Variants in DDX60 observed in about 807,000 individuals in gnomAD.
The protein encoded by DDX60 is DExD/H-box helicase 60.
A neutral mutation model predicts 212.8 loss-of-function variants in DDX60; 165 were observed. The ratio of observed to expected loss-of-function variants is 0.78; its 90% CI spans 0.68 to 0.88. The LOEUF is 0.88. Ranked by LOEUF, DDX60 falls within the 40% of genes least tolerant of loss-of-function variation. DDX60 has a pLI of 0.00. For missense variants in DDX60, 1,905 were observed against 2,003.9 expected (o/e 0.95, Z 0.94); for synonymous variants, 703 against 685.3 (o/e 1.03, Z -0.40).
chr4:168,232,042 A>C (rs923208356), intron 33 of DDX60, among the ~76,000 whole-genome samples: 1 of 152,088 alleles, frequency 6.6e-6, no homozygotes, highest in Non-Finnish European at 1.5e-5. Context: ...TAATGTACAC[A>C]AATCAGTAGC....
intron 14 of DDX60, among the ~76,000 whole-genome samples, chr4:168,277,826 A>C (rs926831705): frequency 6.8e-6 from 1 of 148,078 alleles, no homozygotes; most frequent in African/African-American, 2.7e-5. Context: ...AAAAAAGAAA[A>C]AAAAAAAAAA....
In DDX60 at chr4:168,227,669, C is replaced by T. The variant is rs146621483; in HGVS notation, c.4534-1993G>A. On this transcript the variant is annotated intron_variant, in intron 33 of 37. Transcript: ENST00000393743. ...AAAGTTTAATTCATTGACTTTTCAG[C>T]CTGTATTTTTTTCTAATTTATGGTT... Among the ~76,000 whole-genome samples, 20 of 150,090 alleles carry T rather than the reference C, an allele frequency of 1.3e-4. No homozygotes were observed. In the East Asian group the frequency reaches 3.9e-3, roughly 29 times the overall value.
the DDX60 span, among the ~76,000 whole-genome samples, chr4:168,324,628 T>G: frequency 6.6e-6 from 1 of 152,234 alleles, no homozygotes; most frequent in Non-Finnish European, 1.5e-5. Context: ...GACAGTTATG[T>G]TCCTCTGCTC....
chr4:168,303,302 C>T (rs74627378), intron 5 of DDX60, among the ~76,000 whole-genome samples: 2 of 99,740 alleles, frequency 2.0e-5, no homozygotes, highest in African/African-American at 6.5e-5. Flanking sequence ...ACTCTGTCTC[C>T]AAAAAAAAAA....
At chr4:168,299,921 G>A (rs1260160541) in intron 6 of DDX60, among the ~76,000 whole-genome samples, 2 of 152,088 alleles carry the variant, frequency 1.3e-5, no homozygotes, top group African/African-American at 4.8e-5. Flanking sequence ...TTGAAAAAGA[G>A]GAGAAGACAT....
chr4:168,253,424 G>T (rs72975335), intron 26 of DDX60, among the ~76,000 whole-genome samples: 10,073 of 152,048 alleles, frequency 0.066, 1,041 homozygotes, highest in African/African-American at 0.23. Context: ...TTTGAGTTGG[G>T]TTGCTAAGGC....
At chr4:168,255,587 T>C in intron 26 of DDX60, 124 bp downstream of exon 26, 1 of 784,548 alleles carries the variant, frequency 1.3e-6, no homozygotes, top group Non-Finnish European at 1.9e-6. Context: ...ATGTACTCAA[T>C]TTAGAAATAA....
intron 6 of DDX60, 89 bp from the exon 7 acceptor site, chr4:168,294,034 T>A: frequency 1.7e-6 from 2 of 1,171,696 alleles, no homozygotes; most frequent in Non-Finnish European, 2.4e-6. Flanking sequence ...CTACTAGGCT[T>A]AATACATGTG....
At position 168,267,581 on chromosome 4, in the gene DDX60, C is replaced by T; in HGVS notation, c.3039+1G>A. 1 of 1,509,052 alleles carries T rather than the reference C, an allele frequency of 6.6e-7. No individual in the cohort carries two copies. Among genetic ancestry groups the T allele is most frequent in the Non-Finnish European group, 9.0e-7 (1 of 1,117,248 alleles). 93.5% of individuals were successfully genotyped at this position (1,509,052 alleles called of 1,614,324 possible). ...ACAAATATGGCTAAAATATTACCTA[C>T]ATGATCTGTTGTTAGTGCAGCACAT... On this transcript the variant is annotated splice_donor_variant, in intron 22 of 37. Coordinates refer to ENST00000393743, the MANE Select transcript of DDX60 (RefSeq NM_017631.6). LOFTEE classifies it high-confidence loss of function.
chr4:168,284,967 G>T, intron 11 of DDX60, 32 bp from the exon 12 acceptor site: 2 of 1,071,258 alleles, frequency 1.9e-6, no homozygotes, highest in Non-Finnish European at 2.8e-6. Flanking sequence ...ATTTTAAATT[G>T]CACACTTCCA....
At chr4:168,305,234 C>T (rs1173019890) in intron 5 of DDX60, among the ~76,000 whole-genome samples, 1 of 152,140 alleles carries the variant, frequency 6.6e-6, no homozygotes, top group Non-Finnish European at 1.5e-5. Context: ...GATGTTTACA[C>T]AACAGTGAAA....
intron 25 of DDX60, among the ~76,000 whole-genome samples, chr4:168,257,054 G>A (rs1734441331): frequency 6.6e-6 from 1 of 152,210 alleles, no homozygotes; most frequent in African/African-American, 2.4e-5. Context: ...GCCGGGCATG[G>A]TGGCTCATGC....
chr4:168,285,520 T>C (rs777363543), intron 10 of DDX60, 22 bp from the exon 11 acceptor site: 6 of 1,462,662 alleles, frequency 4.1e-6, no homozygotes, highest in Non-Finnish European at 5.7e-6. Flanking sequence ...CAAAAAAAAA[T>C]TGAGACAAGG....
At chr4:168,324,089 C>T in the DDX60 span, among the ~76,000 whole-genome samples, 1 of 152,226 alleles carries the variant, frequency 6.6e-6, no homozygotes, top group Non-Finnish European at 1.5e-5. Flanking sequence ...GGGAGACCAC[C>T]TCTTTCTACA....
At chr4:168,300,094 A>G (rs531937273) in intron 6 of DDX60, among the ~76,000 whole-genome samples, 1 of 152,346 alleles carries the variant, frequency 6.6e-6, no homozygotes, top group Admixed American at 6.5e-5. Flanking sequence ...GTAATAAACT[A>G]TGACTAAGTT....
In DDX60 at chr4:168,293,800, G is replaced by A. The variant is rs776418247; in HGVS notation, c.869C>T (p.Thr290Ile). 2.5e-6 allele frequency: 4 copies of A among 1,608,372 alleles called. No homozygotes were observed. In the African/African-American group the frequency reaches 5.4e-5, roughly 22 times the overall value. The part of the protein sequence containing the change: ...GNREPSSGQE[T>I]EIQQVNSNCL... ...TAAAAACCACACCTGTTGGATCTCA[G>A]TTTCCTGACCAGAGGAGGGCTCTCT... Residue 290 changes from threonine to isoleucine, a missense_variant, in exon 7 of 38, where the codon ACT (threonine) becomes ATT (isoleucine). Thr to Ile is a moderately conservative substitution (Grantham distance 89, BLOSUM62 -1). Coordinates refer to ENST00000393743, the MANE Select transcript of DDX60 (RefSeq NM_017631.6).
intron 33 of DDX60, among the ~76,000 whole-genome samples, chr4:168,227,802 ATGT>A (rs1481402461): frequency 1.3e-4 from 19 of 151,880 alleles, no homozygotes; most frequent in African/African-American, 4.4e-4. Context: ...TGTCCATTTT[ATGT>A]CTTTTTTATC....
At chr4:168,238,694 G>A (rs1011380434) in intron 30 of DDX60, among the ~76,000 whole-genome samples, 1 of 151,992 alleles carries the variant, frequency 6.6e-6, no homozygotes, top group Non-Finnish European at 1.5e-5. Flanking sequence ...GCATAGTAAA[G>A]GGTGAGGGTT....
Position 168,311,060 on chromosome 4 carries a change from A to T in DDX60, c.12T>A (p.Asn4Lys). 6.4e-7 allele frequency: 1 copy of T among 1,569,286 alleles called. No homozygotes were observed. Among genetic ancestry groups the T allele is most frequent in the Middle Eastern group, 1.7e-4 (1 of 5,952 alleles). The change falls in exon 3 of 38, where the codon AAT becomes AAA. Residue 4 changes from asparagine to lysine, a missense_variant. Coordinates refer to ENST00000393743, the MANE Select transcript of DDX60 (RefSeq NM_017631.6). The part of the protein sequence containing the change: MER[N>K]VLTTFSQEMS... Reference sequence around the variant, plus strand: ...TTTCCTGTGAAAATGTTGTAAGAACATTTCTTTCTAAATTTAAAAAAAAAG... The same window carrying T: ...TTTCCTGTGAAAATGTTGTAAGAACTTTTCTTTCTAAATTTAAAAAAAAAG...
Sources: gnomAD v4.1 joint callset for allele counts (sites outside exome capture counted in the v4.1 genomes callset) on GRCh38, gnomAD v4.1.1 for gene constraint, MANE v1.5 for transcripts, NCBI Gene and HGNC (gene_info 2026-07-23, HGNC 2026-07-21) for gene names.